Variants in TAOK3 observed in about 807,000 individuals in gnomAD.
The protein encoded by TAOK3 is serine/threonine-protein kinase TAO3.
TAOK3 carries 40 observed loss-of-function variants against 120.4 expected under a neutral mutation model. The observed-to-expected ratio is 0.33, with a 90% CI of 0.26 to 0.43. TAOK3 has a LOEUF of 0.43. Ranked by LOEUF, TAOK3 falls within the 20% of genes least tolerant of loss-of-function variation. The pLI, the probability that TAOK3 is intolerant of heterozygous loss-of-function variation, is 1.00. For missense variants in TAOK3, 821 were observed against 1,112.1 expected (o/e 0.74, Z 3.72); for synonymous variants, 355 against 387.5 (o/e 0.92, Z 0.99).
chr12:118,212,222 G>A (rs963537098), intron 11 of TAOK3, among the ~76,000 whole-genome samples: 1 of 152,124 alleles, frequency 6.6e-6, no homozygotes, highest in Non-Finnish European at 1.5e-5. Context: ...AAACAGAAAG[G>A]GTTGAAAAAC....
chr12:118,333,773 T>C (rs1253202592), intron 1 of TAOK3, among the ~76,000 whole-genome samples: 2 of 151,754 alleles, frequency 1.3e-5, no homozygotes, highest in Non-Finnish European at 2.9e-5. Flanking sequence ...TAATTTTTTT[T>C]CCTCAAAAAA....
chr12:118,301,594 C>T (rs749416093), intron 1 of TAOK3, among the ~76,000 whole-genome samples: 26 of 152,020 alleles, frequency 1.7e-4, no homozygotes, highest in Non-Finnish European at 2.4e-4. Context: ...TCCTATAATC[C>T]CAGTCCTTTG....
intron 1 of TAOK3, among the ~76,000 whole-genome samples, chr12:118,319,338 T>C (rs977686258): frequency 6.6e-6 from 1 of 152,160 alleles, no homozygotes; most frequent in African/African-American, 2.4e-5. Context: ...ATTCAGAACT[T>C]ATGTGTATCA....
intron 3 of TAOK3, chr12:118,246,888 T>C: frequency 3.8e-6 from 5 of 1,315,376 alleles, no homozygotes; most frequent in African/African-American, 1.5e-5. Context: ...CTATCAGGAA[T>C]TCACTGACCA....
Position 118,220,625 on chromosome 12 carries a change from G to C in TAOK3, c.644-6515C>G, listed in dbSNP as rs145123340. On this transcript the variant is annotated intron_variant, in intron 9 of 20. Coordinates refer to ENST00000392533, the MANE Select transcript of TAOK3 (RefSeq NM_016281.4). ...GAAGGGAAAGGAGACTGAAGCAAGA[G>C]AAAAACAAATTTGAAAAGAAAAGGA... Among the ~76,000 whole-genome samples the C allele has an allele frequency of 1.5e-3, 230 of 151,674 alleles. 5 individuals are homozygous for C. In the East Asian group the frequency reaches 0.017, roughly 11 times the overall value.
At chr12:118,266,908 T>C (rs1480075880) in intron 1 of TAOK3, 149 bp from the exon 2 acceptor site, 4 of 358,782 alleles carry the variant, frequency 1.1e-5, no homozygotes, top group Admixed American at 4.6e-5. Flanking sequence ...AGTTAAAAGG[T>C]AAGATGCTCA....
At chr12:118,220,162 C>T (rs1028119037) in intron 9 of TAOK3, among the ~76,000 whole-genome samples, 3 of 152,036 alleles carry the variant, frequency 2.0e-5, no homozygotes, top group Non-Finnish European at 2.9e-5. Context: ...CCCACCTTAG[C>T]CTCCCAAAGT....
chr12:118,302,648 T>TA (rs1314275599), intron 1 of TAOK3, among the ~76,000 whole-genome samples: 1 of 152,138 alleles, frequency 6.6e-6, no homozygotes, highest in Admixed American at 6.5e-5. Flanking sequence ...TAGATGTGTT[T>TA]AAAAAAATCT....
At chr12:118,232,463 G>A (rs1348901960) in intron 9 of TAOK3, among the ~76,000 whole-genome samples, 1 of 152,146 alleles carries the variant, frequency 6.6e-6, no homozygotes, top group Non-Finnish European at 1.5e-5. Flanking sequence ...ACAAGTTGGA[G>A]TATAAATTAA....
intron 5 of TAOK3, among the ~76,000 whole-genome samples, chr12:118,240,635 C>G (rs996021242): frequency 4.6e-5 from 7 of 152,140 alleles, no homozygotes; most frequent in Non-Finnish European, 1.5e-5. Context: ...TAAGCCACTG[C>G]ACCTGGCCCT....
At chr12:118,190,807 GA>G (rs1323030255) in intron 13 of TAOK3, among the ~76,000 whole-genome samples, 6 of 152,160 alleles carry the variant, frequency 3.9e-5, no homozygotes, top group Non-Finnish European at 7.4e-5. Flanking sequence ...AAATGCAACT[GA>G]AATGACTTTT....
At chr12:118,194,210 C>T (rs2037584305) in intron 13 of TAOK3, among the ~76,000 whole-genome samples, 1 of 152,090 alleles carries the variant, frequency 6.6e-6, no homozygotes, top group Non-Finnish European at 1.5e-5. Flanking sequence ...GTATAGACTC[C>T]CACACTTTCT....
At position 118,246,089 on chromosome 12, in the gene TAOK3, G is replaced by A. The variant is rs556289677; in HGVS notation, c.121-1124C>T. The A allele has an allele frequency of 9.0e-6, 10 of 1,113,920 alleles. No homozygotes were observed. In the African/African-American group the frequency reaches 1.1e-4, roughly 13 times the overall value. The allele number at this position is 1,113,920 out of a possible 1,614,324, so 69.0% of individuals were successfully genotyped here. The stretch of plus-strand genomic sequence containing the variant: ...CTTTTCCGAGAAAACAACAAATGGC[G>A]GATGACGCCGGTGCAGCGGGGGGGC... On this transcript the variant is annotated intron_variant, in intron 3 of 20. Coordinates refer to ENST00000392533, the MANE Select transcript of TAOK3 (RefSeq NM_016281.4).
intron 2 of TAOK3, chr12:118,261,725 A>G (rs77207485): frequency 0.014 from 2,088 of 152,352 alleles, 50 homozygotes; most frequent in African/African-American, 0.048. Context: ...ATCAAGACTG[A>G]AAAGGAAGAA....
rs1369582848 is a variant in TAOK3, at chr12:118,181,397, T to G, written c.1540A>C (p.Lys514Gln). The G allele has an allele frequency of 6.2e-7, 1 of 1,614,050 alleles. No homozygotes were observed. Among genetic ancestry groups the G allele is most frequent in the Non-Finnish European group, 8.5e-7 (1 of 1,179,954 alleles). Residue 514 changes from lysine (K) to glutamine (Q), a missense_variant, in exon 15 of 21, where the codon AAG becomes CAG. Coordinates refer to ENST00000392533, the MANE Select transcript of TAOK3 (RefSeq NM_016281.4). ...SSIELEKLAK[K>Q]QVAIIEKEAK... ...TCCTTTTCTATGATAGCCACTTGCT[T>G]CTTGGCCAGCTTCTCCAGCTCGATG...
intron 3 of TAOK3, among the ~76,000 whole-genome samples, chr12:118,252,021 C>T (rs1363576341): frequency 1.3e-5 from 2 of 152,092 alleles, no homozygotes; most frequent in Non-Finnish European, 2.9e-5. Flanking sequence ...TGGGGTTTCA[C>T]CATGTTAGCC....
At chr12:118,195,964 G>A (rs887809181) in intron 13 of TAOK3, among the ~76,000 whole-genome samples, 1 of 152,012 alleles carries the variant, frequency 6.6e-6, no homozygotes, top group African/African-American at 2.4e-5. Context: ...GCAGGAGAAT[G>A]GCGTGAACGC....
At chr12:118,225,724 C>T (rs1034016275) in intron 9 of TAOK3, among the ~76,000 whole-genome samples, 2 of 152,138 alleles carry the variant, frequency 1.3e-5, no homozygotes, top group African/African-American at 4.8e-5. Context: ...TATAAAATAC[C>T]TCCTACTTTA....
intron 10 of TAOK3, 75 bp downstream of exon 10, chr12:118,213,942 A>C (rs1050549377): frequency 1.5e-6 from 2 of 1,297,450 alleles, no homozygotes; most frequent in Admixed American, 1.9e-5. Flanking sequence ...TCAGATATTT[A>C]AAATGTAATG....
Sources: allele counts gnomAD v4.1 joint callset (sites outside exome capture counted in the v4.1 genomes callset), GRCh38; gene constraint gnomAD v4.1.1; transcripts MANE v1.5; gene names NCBI Gene and HGNC (gene_info 2026-07-23, HGNC 2026-07-21).